CGGBP1: variants seen among roughly 807,000 people sequenced by gnomAD.
CGGBP1 encodes CGG triplet repeat binding protein 1, also known as CGG triplet repeat-binding protein 1.
A neutral mutation model predicts 11.4 loss-of-function variants in CGGBP1; 4 were observed. The observed-to-expected ratio is 0.35, with a 90% CI of 0.17 to 0.80. The LOEUF (loss-of-function observed/expected upper bound fraction) is 0.80. Ranked by LOEUF, CGGBP1 falls within the 30% of genes least tolerant of loss-of-function variation. The pLI, the probability that CGGBP1 is intolerant of heterozygous loss-of-function variation, is 0.52. For missense variants in CGGBP1, 135 were observed against 202.1 expected, an observed-to-expected ratio of 0.67 and a Z score of 2.01; for synonymous variants, 76 against 74.1, an observed-to-expected ratio of 1.03 and a Z score of -0.13.
chr3:88,099,977 A>T (rs530986172), intron 2 of CGGBP1, among the ~76,000 whole-genome samples: 154 of 152,352 alleles, frequency 1.0e-3, no homozygotes, highest in Non-Finnish European at 8.7e-4. Flanking sequence ...GACAAATAGG[A>T]TCTAATTTAA....
intron 2 of CGGBP1, among the ~76,000 whole-genome samples, chr3:88,080,968 A>T (rs2107645075): frequency 6.6e-6 from 1 of 152,272 alleles, no homozygotes; most frequent in Admixed American, 6.5e-5. Context: ...CCATTCCAGG[A>T]TGTTATCCGT....
intron 2 of CGGBP1, among the ~76,000 whole-genome samples, chr3:88,081,627 C>G (rs1708082423): frequency 6.6e-6 from 1 of 152,122 alleles, no homozygotes; most frequent in South Asian, 2.1e-4. Context: ...TTTTGTTGTT[C>G]AAGTTGTGCC....
intron 2 of CGGBP1, among the ~76,000 whole-genome samples, chr3:88,073,137 A>G (rs1452559227): frequency 7.2e-6 from 1 of 138,254 alleles, no homozygotes; most frequent in African/African-American, 2.7e-5. Flanking sequence ...CTCCAGACCA[A>G]CAGTATGAGC....
At chr3:88,088,467 G>A (rs184337149) in intron 2 of CGGBP1, among the ~76,000 whole-genome samples, 1 of 152,220 alleles carries the variant, frequency 6.6e-6, no homozygotes, top group East Asian at 1.9e-4. Context: ...TCAGTATCAC[G>A]CTGTGTGAAA....
chr3:88,116,212 A>T (rs1279827729), intron 2 of CGGBP1, among the ~76,000 whole-genome samples: 1 of 152,082 alleles, frequency 6.6e-6, no homozygotes, highest in Non-Finnish European at 1.5e-5. Flanking sequence ...AGTGACTTTT[A>T]TACCCACATT....
rs77842264 is a variant in CGGBP1, at chr3:88,103,508, C to G, written c.-229+37462G>C. ...GAAAATCTAAAACTGTATAACATGT[C>G]TACTAGAATTTCAGAAGAAGATAAA... On this transcript the variant is annotated intron_variant, in intron 2 of 3. Coordinates refer to the CGGBP1 transcript ENST00000462901. 1.5e-3 allele frequency among the ~76,000 whole-genome samples: 227 copies of G among 152,116 alleles called. 2 individuals carry two copies. The highest frequency in any genetic ancestry group is 5.2e-3 in the African/African-American group (217 of 41,508).
chr3:88,121,684 G>A (rs1206962829), intron 2 of CGGBP1, among the ~76,000 whole-genome samples: 1 of 152,102 alleles, frequency 6.6e-6, no homozygotes, highest in Non-Finnish European at 1.5e-5. Context: ...CAATCAATGT[G>A]TAATAAGATT....
intron 2 of CGGBP1, among the ~76,000 whole-genome samples, chr3:88,112,754 A>G (rs1020762213): frequency 2.6e-5 from 4 of 152,006 alleles, no homozygotes; most frequent in African/African-American, 9.7e-5. Context: ...GAGTCCCATT[A>G]TATTAGGGTG....
At chr3:88,125,031 C>T (rs551634896) in intron 2 of CGGBP1, among the ~76,000 whole-genome samples, 119 of 151,866 alleles carry the variant, frequency 7.8e-4, no homozygotes, top group African/African-American at 2.8e-3. Flanking sequence ...CTGGCTAACA[C>T]GGTGAAACTC....
intron 2 of CGGBP1, among the ~76,000 whole-genome samples, chr3:88,126,613 A>G (rs1343800680): frequency 2.3e-4 from 34 of 149,712 alleles, no homozygotes; most frequent in African/African-American, 5.9e-4. Context: ...TTAAGAAACA[A>G]AAAGTCTGCT....
intron 2 of CGGBP1, among the ~76,000 whole-genome samples, chr3:88,087,908 G>A (rs1008098510): frequency 6.6e-6 from 1 of 152,084 alleles, no homozygotes; most frequent in Non-Finnish European, 1.5e-5. Flanking sequence ...TCCAAAATTC[G>A]AAACTCTTTG....
At chr3:88,083,042 A>C (rs574699845) in intron 2 of CGGBP1, among the ~76,000 whole-genome samples, 103 of 122,082 alleles carry the variant, frequency 8.4e-4, no homozygotes, top group Middle Eastern at 4.1e-3. Context: ...ACTCCTCCTC[A>C]CTCCTCCTCC....
At chr3:88,113,023 T>A in intron 2 of CGGBP1, 1 of 776,102 alleles carries the variant, frequency 1.3e-6, no homozygotes, top group South Asian at 2.1e-5. Flanking sequence ...TTAAGTCAAA[T>A]ATTGATATTA....
chr3:88,095,376 G>C (rs1299702176), intron 2 of CGGBP1: 1 of 328,368 alleles, frequency 3.0e-6, no homozygotes, highest in African/African-American at 2.2e-5. Context: ...AATGTATTAT[G>C]TACTAAGAGA....
At chr3:88,060,142 GAC>G (rs1357566586), upstream of CGGBP1, among the ~76,000 whole-genome samples, 2 of 151,962 alleles carry the variant, frequency 1.3e-5, no homozygotes, top group Middle Eastern at 3.2e-3. Context: ...TCCTTCGGTT[GAC>G]ACACGCACTC....
intron 2 of CGGBP1, among the ~76,000 whole-genome samples, chr3:88,114,528 C>T (rs1705273140): frequency 6.6e-6 from 1 of 152,106 alleles, no homozygotes; most frequent in African/African-American, 2.4e-5. Context: ...CTGCTCTGAT[C>T]CTTTGACACT....
intron 2 of CGGBP1, among the ~76,000 whole-genome samples, chr3:88,065,829 C>T (rs1329612591): frequency 3.3e-5 from 5 of 152,200 alleles, no homozygotes; most frequent in East Asian, 1.9e-4. Flanking sequence ...GGGGCTAAAG[C>T]GCTTCTCAGC....
intron 1 of CGGBP1, chr3:88,141,740 G>A (rs1707146469): frequency 9.4e-7 from 1 of 1,064,294 alleles, no homozygotes; most frequent in Non-Finnish European, 1.3e-6. Flanking sequence ...CTATTTCCCT[G>A]ATGGCCTTAA....
chr3:88,139,281 G>T, intron 2 of CGGBP1: 2 of 1,560,610 alleles, frequency 1.3e-6, no homozygotes, highest in Non-Finnish European at 1.7e-6. Context: ...TACTTCCAAA[G>T]TAGATCACAA....
Sources: gnomAD v4.1 joint callset for allele counts (sites outside exome capture counted in the v4.1 genomes callset) on GRCh38, gnomAD v4.1.1 for gene constraint, MANE v1.5 for transcripts, NCBI Gene and HGNC (gene_info 2026-07-23, HGNC 2026-07-21) for gene names.